Variants in CDH6 observed in about 807,000 individuals in gnomAD.
CDH6 encodes the protein cadherin 6, also known as cadherin-6.
Under a neutral mutation model 78.0 loss-of-function variants are expected in CDH6, and 31 were observed. That is an observed-to-expected ratio of 0.40 (90% CI 0.30 to 0.54). CDH6 has a LOEUF of 0.54. Ranked by LOEUF, CDH6 falls within the 20% of genes least tolerant of loss-of-function variation. The probability of loss-of-function intolerance (pLI) is 0.56; values close to 1 mark genes in which losing one functional copy is unlikely to be tolerated. For missense variants in CDH6, 724 were observed against 975.9 expected (o/e 0.74, Z 3.44); for synonymous variants, 376 against 368.8 (o/e 1.02, Z -0.23).
intron 6 of CDH6, among the ~76,000 whole-genome samples, chr5:31,303,542 C>A (rs1285971509): frequency 6.6e-6 from 1 of 152,076 alleles, no homozygotes; most frequent in Non-Finnish European, 1.5e-5. Flanking sequence ...ATTATTTTAT[C>A]CCCCAAATTG....
chr5:31,310,452 A>G (rs957172306), intron 7 of CDH6, among the ~76,000 whole-genome samples: 7 of 152,264 alleles, frequency 4.6e-5, no homozygotes, highest in South Asian at 2.1e-4. Flanking sequence ...GGTGCAAGCT[A>G]TTGGTGGATC....
intron 1 of CDH6, among the ~76,000 whole-genome samples, chr5:31,211,675 A>C (rs1740710704): frequency 6.6e-6 from 1 of 152,122 alleles, no homozygotes; most frequent in African/African-American, 2.4e-5. Flanking sequence ...TTTTTTTCAC[A>C]AATGCATTTA....
chr5:31,199,173 C>T (rs1579803777), intron 1 of CDH6, among the ~76,000 whole-genome samples: 1 of 151,804 alleles, frequency 6.6e-6, no homozygotes, highest in East Asian at 1.9e-4. Flanking sequence ...GGCAGAGCTA[C>T]AAGACAGCAA....
rs1737636928 is a variant in CDH6, at chr5:31,297,292, C to T, written c.527C>T (p.Thr176Ile). The T allele has an allele frequency of 1.2e-6, 2 of 1,611,176 alleles. No homozygotes were observed. The highest frequency in any genetic ancestry group is 1.7e-6 in the Non-Finnish European group (2 of 1,177,596). ...ATVPEMSDVGTFVVQVTATDA... is the reference protein window; with the variant it reads ...ATVPEMSDVGIFVVQVTATDA... ...GTTTATATTTCTGTCATTACAGGTA[C>T]ATTTGTTGTCCAAGTCACTGCGACG... Residue 176 changes from threonine (T) to isoleucine (I), a missense_variant, in exon 4 of 12, where the codon ACA (threonine) becomes ATA (isoleucine). Coordinates refer to ENST00000265071, the MANE Select transcript of CDH6 (RefSeq NM_004932.4).
chr5:31,289,809 G>A (rs1260364234), intron 2 of CDH6, among the ~76,000 whole-genome samples: 1 of 152,148 alleles, frequency 6.6e-6, no homozygotes, highest in East Asian at 1.9e-4. Flanking sequence ...TTAAAGTCAA[G>A]TTGGAATTCA....
chr5:31,230,882 A>C (rs762153065), intron 1 of CDH6, among the ~76,000 whole-genome samples: 9 of 152,214 alleles, frequency 5.9e-5, no homozygotes, highest in Non-Finnish European at 1.2e-4. Context: ...TGTGAATGAA[A>C]AGATTAGTGT....
chr5:31,264,178 C>T (rs1387206009), intron 1 of CDH6, among the ~76,000 whole-genome samples: 1 of 152,106 alleles, frequency 6.6e-6, no homozygotes, highest in African/African-American at 2.4e-5. Flanking sequence ...TGTTTCTATT[C>T]TTTAATTTTA....
intron 2 of CDH6, among the ~76,000 whole-genome samples, chr5:31,293,558 GTT>G (rs1331938936): frequency 2.0e-5 from 3 of 152,136 alleles, no homozygotes; most frequent in African/African-American, 7.2e-5. Context: ...TCCCTAATAT[GTT>G]TGTGTACATG....
rs139937180 is a variant in CDH6 at position 31,267,942 on chromosome 5, G to T, written c.228+241G>T. Among the ~76,000 whole-genome samples the T allele has an allele frequency of 7.0e-4, 107 of 152,148 alleles. 2 individuals are homozygous for T. The East Asian group carries it at 0.018, about 25-fold the overall frequency. ...CCAGTTGAAACACCCACAACCATCC[G>T]CATAGGATTATCATAAATCCTTTAA... On this transcript the variant is annotated intron_variant, in intron 2 of 11. Transcript: ENST00000265071.
rs1366049017 is a variant in CDH6 at position 31,235,259 on chromosome 5, G to A, written c.-128-32087G>A. On this transcript the variant is annotated intron_variant, in intron 1 of 11. Coordinates refer to ENST00000265071, the MANE Select transcript of CDH6 (RefSeq NM_004932.4). ...TTCTTTTTTTTTTTTTTTTTGCCTT[G>A]TATGCCATTCTTTCAAGCCCAAAGT... Among the ~76,000 whole-genome samples, 5 of 25,668 alleles carry A rather than the reference G, an allele frequency of 1.9e-4. No homozygotes were observed. The East Asian group carries it at 3.2e-3, about 16-fold the overall frequency. The allele number at this position is 25,668 out of a possible 152,430, so 16.8% of individuals were successfully genotyped here. A position where few individuals can be genotyped will look rare whatever the true frequency, so the allele number is the denominator to read the frequency against.
chr5:31,317,944 C>T lies in CDH6; in HGVS notation c.1882+20C>T, dbSNP rs1472176257. ...TACTAGGTAAACTGGTTCTCCCTGC[C>T]TCCTATCTCCCCATGGTGAGGGGCT... On this transcript the variant is annotated intron_variant, in intron 11 of 11. Coordinates refer to ENST00000265071, the MANE Select transcript of CDH6 (RefSeq NM_004932.4). The T allele has an allele frequency of 6.2e-7, 1 of 1,609,164 alleles. No individual in the cohort carries two copies. The highest frequency in any genetic ancestry group is 1.1e-5 in the South Asian group (1 of 91,086).
chr5:31,230,747 C>T (rs1262226369), intron 1 of CDH6, among the ~76,000 whole-genome samples: 6 of 152,062 alleles, frequency 3.9e-5, no homozygotes, highest in African/African-American at 1.4e-4. Context: ...TGAGTTTAAT[C>T]AAACTCAAAA....
At chr5:31,208,117 T>C (rs185583696) in intron 1 of CDH6, among the ~76,000 whole-genome samples, 1 of 152,348 alleles carries the variant, frequency 6.6e-6, no homozygotes, top group East Asian at 1.9e-4. Flanking sequence ...TGTGACAGTT[T>C]AGCATTTTCT....
At position 31,221,197 on chromosome 5, in the gene CDH6, T is replaced by C. The variant is rs929370842; in HGVS notation, c.-129+27311T>C. The stretch of plus-strand genomic sequence containing the variant: ...AGCGACTCAGTCTGTCCCCAGTCAC[T>C]CACTCACCAGTCAAGCACTCCAGCT... On this transcript the variant is annotated intron_variant, in intron 1 of 11. Coordinates refer to ENST00000265071, the MANE Select transcript of CDH6 (RefSeq NM_004932.4). Among the ~76,000 whole-genome samples the C allele has an allele frequency of 6.6e-5, 10 of 152,206 alleles. No homozygotes were observed. The East Asian group carries it at 1.7e-3, about 26-fold the overall frequency.
intron 2 of CDH6, among the ~76,000 whole-genome samples, chr5:31,291,368 G>A (rs1393536191): frequency 6.6e-6 from 1 of 152,110 alleles, no homozygotes. Context: ...CTTAAATTTG[G>A]GAGGCACTTT....
intron 7 of CDH6, 118 bp downstream of exon 7, chr5:31,305,545 C>A (rs1353681914): frequency 1.4e-5 from 15 of 1,048,990 alleles, no homozygotes; most frequent in Non-Finnish European, 2.1e-5. Context: ...ACTGTGTTTT[C>A]CTGAAAAAAC....
intron 1 of CDH6, among the ~76,000 whole-genome samples, chr5:31,209,641 C>G (rs1224547580): frequency 6.6e-6 from 1 of 152,150 alleles, no homozygotes; most frequent in East Asian, 1.9e-4. Context: ...TATTGGGACA[C>G]TTTGGACTAT....
chr5:31,202,223 A>G (rs546807278), intron 1 of CDH6, among the ~76,000 whole-genome samples: 6 of 152,220 alleles, frequency 3.9e-5, no homozygotes, highest in Admixed American at 1.3e-4. Flanking sequence ...CTTCTAGTGT[A>G]TAGTATAGAT....
intron 2 of CDH6, among the ~76,000 whole-genome samples, chr5:31,283,300 G>C (rs113287723): frequency 3.7e-4 from 57 of 152,254 alleles, no homozygotes; most frequent in African/African-American, 1.3e-3. Flanking sequence ...ATATTGTTTG[G>C]TACAGAGTAA....
Sources: gnomAD v4.1 joint callset for allele counts (sites outside exome capture counted in the v4.1 genomes callset) on GRCh38, gnomAD v4.1.1 for gene constraint, MANE v1.5 for transcripts, NCBI Gene and HGNC (gene_info 2026-07-23, HGNC 2026-07-21) for gene names.